The following CPSF3 variants were observed in gnomAD, a reference collection of about 807,000 sequenced individuals.
CPSF3 encodes the protein cleavage and polyadenylation specificity factor subunit 3.
A neutral mutation model predicts 84.1 loss-of-function variants in CPSF3; 57 were observed. That is an observed-to-expected ratio of 0.68 (90% confidence interval 0.55 to 0.85). The LOEUF (loss-of-function observed/expected upper bound fraction) is 0.85, where lower values mean the gene tolerates loss of function less well. CPSF3 is among the 40% of genes least tolerant of loss of function. The pLI is 0.00. For synonymous variants in CPSF3, 275 were observed against 278.1 expected (o/e 0.99, Z 0.11); for missense variants, 522 against 838.8 (o/e 0.62, Z 4.66).
intron 15 of CPSF3, among the ~76,000 whole-genome samples, chr2:9,467,321 C>T (rs1407876964): frequency 2.0e-5 from 3 of 152,048 alleles, no homozygotes; most frequent in Non-Finnish European, 2.9e-5. Context: ...CTTCACAGAT[C>T]TTTGAGCTTG....
At chr2:9,439,868 G>A (rs1680912784) in intron 7 of CPSF3, among the ~76,000 whole-genome samples, 1 of 152,050 alleles carries the variant, frequency 6.6e-6, no homozygotes, top group Non-Finnish European at 1.5e-5. Context: ...TGTAGTCACA[G>A]CTCAGAAGGC....
At chr2:9,447,645 T>C (rs1409312297) in intron 10 of CPSF3, among the ~76,000 whole-genome samples, 3 of 152,036 alleles carry the variant, frequency 2.0e-5, no homozygotes, top group Non-Finnish European at 4.4e-5. Context: ...CATAGTGGCG[T>C]GTACCTATAG....
intron 15 of CPSF3, among the ~76,000 whole-genome samples, chr2:9,464,354 A>T (rs1233132613): frequency 6.6e-6 from 1 of 152,008 alleles, no homozygotes; most frequent in Non-Finnish European, 1.5e-5. Context: ...GCAAATATAT[A>T]TATACATATA....
intron 4 of CPSF3, among the ~76,000 whole-genome samples, 176 bp from the exon 5 acceptor site, chr2:9,432,335 A>G (rs1256158039): frequency 9.1e-6 from 1 of 109,718 alleles, no homozygotes; most frequent in Non-Finnish European, 1.9e-5. Context: ...AGCTATACAC[A>G]CAATAGAGTA....
At chr2:9,443,904 A>C (rs1221407796) in intron 10 of CPSF3, among the ~76,000 whole-genome samples, 2 of 151,748 alleles carry the variant, frequency 1.3e-5, no homozygotes, top group African/African-American at 4.8e-5. Flanking sequence ...TTTTTCTGTT[A>C]TTTTCTGCTG....
intron 15 of CPSF3, among the ~76,000 whole-genome samples, chr2:9,466,520 A>G (rs537050231): frequency 6.6e-6 from 1 of 152,304 alleles, no homozygotes; most frequent in African/African-American, 2.4e-5. Context: ...TCACCAGAGC[A>G]CAGAGGTGAA....
At chr2:9,466,329 C>T (rs987084102) in intron 15 of CPSF3, among the ~76,000 whole-genome samples, 7 of 63,542 alleles carry the variant, frequency 1.1e-4, no homozygotes, top group East Asian at 2.1e-4. Flanking sequence ...CGCACACAGA[C>T]GCACGCACAC....
intron 16 of CPSF3, 54 bp downstream of exon 16, chr2:9,467,830 G>T: frequency 6.9e-7 from 1 of 1,459,826 alleles, no homozygotes. Context: ...GCCGGAAGGA[G>T]CCCTGGATTC....
rs550074389 is a variant in CPSF3, at chr2:9,458,973, G to A, written c.1699-558G>A. Among the ~76,000 whole-genome samples the A allele has an allele frequency of 5.3e-5, 8 of 152,108 alleles. No individual in the cohort carries two copies. In the South Asian group the frequency reaches 6.2e-4, roughly 12 times the overall value. Reference sequence around the variant, plus strand: ...ACTAAAAATATAAAATTAGCCAGGCGTGGTGGCACATACCTGTAATCCCAG... The same window carrying A: ...ACTAAAAATATAAAATTAGCCAGGCATGGTGGCACATACCTGTAATCCCAG... On this transcript the variant is annotated intron_variant, in intron 14 of 17. Coordinates refer to ENST00000238112, the MANE Select transcript of CPSF3 (RefSeq NM_016207.4).
At chr2:9,457,147 A>ATGTGTGTGTGTGTGTGTGTGTGTG (rs70948817) in intron 14 of CPSF3, 120 bp downstream of exon 14, 1 of 328,102 alleles carries the variant, frequency 3.0e-6, no homozygotes, top group African/African-American at 2.3e-5. Flanking sequence ...TGGAAAGTAT[A>ATGTGTGTGTGTGTGTGTGTGTGTG]TGTGTGTGTG....
intron 15 of CPSF3, among the ~76,000 whole-genome samples, chr2:9,464,224 G>A (rs1312193728): frequency 6.6e-6 from 1 of 152,068 alleles, no homozygotes; most frequent in African/African-American, 2.4e-5. Flanking sequence ...TTCAGCATGT[G>A]TGTGTCCTGT....
chr2:9,427,958 T>G (rs1479569445), intron 1 of CPSF3, among the ~76,000 whole-genome samples: 1 of 151,950 alleles, frequency 6.6e-6, no homozygotes, highest in Admixed American at 6.6e-5. Context: ...AAAAAGTGAT[T>G]GAAATTCACA....
At position 9,465,288 on chromosome 2, in the gene CPSF3, CAG is replaced by C. The variant is rs554379353; in HGVS notation, c.1787-2416_1787-2415del. On this transcript the variant is annotated intron_variant, in intron 15 of 17. Transcript: ENST00000238112. ...AATTTTTGAAGTCTCTTTGAAATGA[CAG>C]AGTCTTAGCCAGGCACGGTAGCACA... Among the ~76,000 whole-genome samples the C allele has an allele frequency of 1.7e-3, 252 of 152,118 alleles. 3 individuals are homozygous for C. Among genetic ancestry groups the C allele is most frequent in the African/African-American group, 5.0e-3 (209 of 41,494 alleles).
Position 9,472,916 on chromosome 2 carries a change from A to G in CPSF3, c.1954A>G (p.Thr652Ala). The change falls in exon 18 of 18, where the codon ACT becomes GCT. Residue 652 changes from threonine (T) to alanine (A), a missense_variant and splice_region_variant. Thr to Ala is a moderately conservative substitution (Grantham distance 58). Around this residue, in one of 2 missense-constraint regions of CPSF3, gnomAD observed 193 missense variants for 231.6 expected, o/e 0.83. Transcript: ENST00000238112. ...AGTCTTGTTTGTGCCTCACTTTCAG[A>G]CTGTAGAATGTGAAGAGGGAAGTGA... ...KTANLNLETR[T>A]VECEEGSEDD... 10 of 1,598,766 alleles carry G rather than the reference A, an allele frequency of 6.3e-6. No individual in the cohort carries two copies. The highest frequency in any genetic ancestry group is 7.7e-6 in the Non-Finnish European group (9 of 1,166,178).
intron 10 of CPSF3, among the ~76,000 whole-genome samples, chr2:9,444,160 T>TATATA (rs1460239502): frequency 0.17 from 18,417 of 111,126 alleles, 1,201 homozygotes; most frequent in Non-Finnish European, 0.25. Flanking sequence ...ATATATATAT[T>TATATA]TTTTTTTTTT....
At chr2:9,445,756 T>C (rs933436031) in intron 10 of CPSF3, among the ~76,000 whole-genome samples, 2 of 152,244 alleles carry the variant, frequency 1.3e-5, no homozygotes, top group African/African-American at 4.8e-5. Flanking sequence ...CTCTCCTGGT[T>C]CTACTTCTGC....
Position 9,459,638 on chromosome 2 carries a change from C to CTTTT in CPSF3, c.1786+45_1786+48dup, listed in dbSNP as rs543727439. On this transcript the variant is annotated intron_variant, in intron 15 of 17. Coordinates refer to ENST00000238112, the MANE Select transcript of CPSF3 (RefSeq NM_016207.4). Reference sequence around the variant, plus strand: ...GAAAAGGTAAGAGTTCATTTTTATCCTTTTTTTTTTTTTTTTTTTTTTTTT... The same window carrying CTTTT: ...GAAAAGGTAAGAGTTCATTTTTATCCTTTTTTTTTTTTTTTTTTTTTTTTTTTTT... The CTTTT allele has an allele frequency of 5.1e-4, 159 of 310,390 alleles. 5 individuals carry two copies. The highest frequency in any genetic ancestry group is 1.8e-3 in the African/African-American group (41 of 23,172). The allele number at this position is 310,390 out of a possible 1,614,324, so 19.2% of individuals were successfully genotyped here. A position where few individuals can be genotyped will look rare whatever the true frequency, so the allele number is the denominator to read the frequency against.
intron 14 of CPSF3, among the ~76,000 whole-genome samples, chr2:9,458,900 G>A (rs947915543): frequency 3.3e-5 from 5 of 152,056 alleles, no homozygotes; most frequent in Admixed American, 3.3e-4. Flanking sequence ...ATCACCTGAG[G>A]TCGGGAGTTA....
At chr2:9,453,219 A>G (rs1681397969) in intron 12 of CPSF3, among the ~76,000 whole-genome samples, 198 bp downstream of exon 12, 1 of 152,368 alleles carries the variant, frequency 6.6e-6, no homozygotes, top group African/African-American at 2.4e-5. Context: ...ATTATTGGTG[A>G]AATCACTTTC....
Sources: gnomAD v4.1 joint callset for allele counts (sites outside exome capture counted in the v4.1 genomes callset) on GRCh38, gnomAD v4.1.1 for gene constraint, gnomAD v4.1.1 regional missense constraint, MANE v1.5 for transcripts, NCBI Gene and HGNC (gene_info 2026-07-23, HGNC 2026-07-21) for gene names.